Variants in PRELID2 observed in about 807,000 individuals in gnomAD.
PRELID2 encodes the protein PRELI domain containing 2, also known as PRELI domain-containing protein 2.
A neutral mutation model predicts 28.4 loss-of-function variants in PRELID2; 25 were observed. The observed-to-expected ratio is 0.88, with a 90% confidence interval of 0.64 to 1.23. The LOEUF (loss-of-function observed/expected upper bound fraction) is 1.23, where lower values mean the gene tolerates loss of function less well. Among genes scored for constraint, PRELID2 ranks in the 50% most tolerant of loss-of-function variants. PRELID2 has a pLI of 0.00. For synonymous variants in PRELID2, 76 were observed against 71.6 expected (o/e 1.06, Z -0.31); for missense variants, 201 against 214.4 (o/e 0.94, Z 0.39).
the PRELID2 span, among the ~76,000 whole-genome samples, chr5:145,387,845 T>C: frequency 7.7e-3 from 1,173 of 151,706 alleles, 14 homozygotes; most frequent in Middle Eastern, 0.041. Flanking sequence ...GGTGGGAGGA[T>C]TGCTTGAGCC....
intron 6 of PRELID2, among the ~76,000 whole-genome samples, chr5:145,763,199 C>T (rs1457372774): frequency 6.6e-6 from 1 of 152,214 alleles, no homozygotes; most frequent in Non-Finnish European, 1.5e-5. Context: ...AGATCCCACC[C>T]TCCAGAGTAA....
chr5:145,319,530 G>A, the PRELID2 span, among the ~76,000 whole-genome samples: 9 of 151,920 alleles, frequency 5.9e-5, no homozygotes, highest in African/African-American at 2.2e-4. Context: ...AATTAGCCAG[G>A]TGTGGTGATG....
intron 5 of PRELID2, among the ~76,000 whole-genome samples, chr5:145,787,547 AT>A (rs34918986): frequency 1.0e-4 from 15 of 148,234 alleles, no homozygotes; most frequent in Admixed American, 6.7e-5. Flanking sequence ...AGAGGCAACA[AT>A]TTTTTTTTTT....
At chr5:145,374,785 T>C in the PRELID2 span, among the ~76,000 whole-genome samples, 1 of 152,172 alleles carries the variant, frequency 6.6e-6, no homozygotes, top group Non-Finnish European at 1.5e-5. Context: ...CTTTTGATAC[T>C]TGTATATGTT....
chr5:145,705,843 CCTT>C (rs1755532384), intron 1 of PRELID2, among the ~76,000 whole-genome samples: 2 of 151,680 alleles, frequency 1.3e-5, no homozygotes, highest in Non-Finnish European at 2.9e-5. Context: ...CAAATAATAT[CCTT>C]CTTGTGATTT....
At chr5:145,444,272 A>G in the PRELID2 span, among the ~76,000 whole-genome samples, 1 of 152,068 alleles carries the variant, frequency 6.6e-6, no homozygotes, top group Non-Finnish European at 1.5e-5. Context: ...TATGCTGAGT[A>G]GAAAGCCCCT....
chr5:145,251,904 T>C, the PRELID2 span, among the ~76,000 whole-genome samples: 1 of 152,102 alleles, frequency 6.6e-6, no homozygotes, highest in Non-Finnish European at 1.5e-5. Flanking sequence ...GGGGTCCATG[T>C]CTGAATAATT....
At chr5:145,312,760 T>C in the PRELID2 span, among the ~76,000 whole-genome samples, 4 of 152,186 alleles carry the variant, frequency 2.6e-5, no homozygotes, top group Non-Finnish European at 4.4e-5. Context: ...CATTCATCTA[T>C]TGATGACCAC....
the PRELID2 span, among the ~76,000 whole-genome samples, chr5:145,344,427 C>T: frequency 6.6e-6 from 1 of 152,062 alleles, no homozygotes; most frequent in South Asian, 2.1e-4. Context: ...ATCATAATTG[C>T]AAGATTCTAA....
Position 145,659,365 on chromosome 5 carries a change from T to C in PRELID2, n.70+105566A>G, listed in dbSNP as rs144218340. Among the ~76,000 whole-genome samples, 369 of 152,340 alleles carry C rather than the reference T, an allele frequency of 2.4e-3. 2 individuals are homozygous for C. Among genetic ancestry groups the C allele is most frequent in the Middle Eastern group, 6.8e-3 (2 of 294 alleles). On this transcript the variant is annotated intron_variant and non_coding_transcript_variant, in intron 1 of 2. Transcript: ENST00000510259. ...CCCCATTTTCCCCTTTTATACCCTATGTGTACATTTATTTCACCGTATCAG... is the reference window on the plus strand; with the variant it reads ...CCCCATTTTCCCCTTTTATACCCTACGTGTACATTTATTTCACCGTATCAG...
chr5:145,724,600 A>AATATATAT (rs59677300), intron 1 of PRELID2, among the ~76,000 whole-genome samples: 721 of 24,120 alleles, frequency 0.03, 103 homozygotes, highest in Non-Finnish European at 0.046. Flanking sequence ...GAAGTAAATA[A>AATATATAT]ATATATATAT....
intron 1 of PRELID2, among the ~76,000 whole-genome samples, chr5:145,699,543 C>A (rs1248249367): frequency 6.6e-6 from 1 of 152,118 alleles, no homozygotes; most frequent in Non-Finnish European, 1.5e-5. Context: ...CCATGATTTG[C>A]ATCTCTTCCC....
At chr5:145,549,053 GA>G (rs2126679246) in intron 1 of PRELID2, among the ~76,000 whole-genome samples, 1 of 152,190 alleles carries the variant, frequency 6.6e-6, no homozygotes, top group Non-Finnish European at 1.5e-5. Context: ...TTACTTACAT[GA>G]GGTTGCAGCC....
chr5:145,706,523 C>T (rs1386399809), intron 1 of PRELID2, among the ~76,000 whole-genome samples: 3 of 152,060 alleles, frequency 2.0e-5, no homozygotes, highest in Admixed American at 6.6e-5. Context: ...CAGCTCTGCC[C>T]GGTCTTCATC....
At chr5:145,620,183 G>T (rs1753754695) in intron 1 of PRELID2, among the ~76,000 whole-genome samples, 1 of 152,146 alleles carries the variant, frequency 6.6e-6, no homozygotes, top group South Asian at 2.1e-4. Context: ...AGTCCAAAAA[G>T]AGAGGAAACA....
At chr5:145,617,594 T>A (rs1753716478) in intron 1 of PRELID2, among the ~76,000 whole-genome samples, 2 of 152,194 alleles carry the variant, frequency 1.3e-5, no homozygotes, top group African/African-American at 4.8e-5. Context: ...TTGAGTTAAT[T>A]CGAAGGCCTT....
At chr5:145,567,343 ATGGTTTGGTTTGGTT>A (rs70998025) in intron 1 of PRELID2, among the ~76,000 whole-genome samples, 20 of 146,320 alleles carry the variant, frequency 1.4e-4, no homozygotes, top group Middle Eastern at 3.4e-3. Flanking sequence ...ATGAGATCTG[ATGGTTTGGTTTGGTT>A]TGGTTTGGTT....
At chr5:145,595,635 T>C (rs74925942) in intron 1 of PRELID2, among the ~76,000 whole-genome samples, 5,532 of 152,168 alleles carry the variant, frequency 0.036, 129 homozygotes, top group Non-Finnish European at 0.053. Context: ...TTCAGACTAC[T>C]GAAACCTGCT....
At chr5:145,675,991 C>A (rs1418215859) in intron 1 of PRELID2, among the ~76,000 whole-genome samples, 2 of 152,074 alleles carry the variant, frequency 1.3e-5, no homozygotes, top group African/African-American at 4.8e-5. Context: ...GAGGCCAAGG[C>A]GGTTGGATCA....
Sources: gnomAD v4.1 joint callset for allele counts (sites outside exome capture counted in the v4.1 genomes callset) on GRCh38, gnomAD v4.1.1 for gene constraint, MANE v1.5 for transcripts, NCBI Gene and HGNC (gene_info 2026-07-23, HGNC 2026-07-21) for gene names.